The following GCC2 variants were observed in gnomAD, a reference collection of about 807,000 sequenced individuals.
GCC2 encodes GRIP and coiled-coil domain containing 2, also known as GRIP and coiled-coil domain-containing protein 2.
A neutral mutation model predicts 210.6 loss-of-function variants in GCC2; 120 were observed. That is an observed-to-expected ratio of 0.57 (90% CI 0.49 to 0.66). The LOEUF is 0.66. Ranked by LOEUF, GCC2 falls within the 30% of genes least tolerant of loss-of-function variation. GCC2 has a pLI of 0.00. For synonymous variants in GCC2, 703 were observed against 652.7 expected, an observed-to-expected ratio of 1.08 and a Z score of -1.17; for missense variants, 1,868 against 1,871.9, an observed-to-expected ratio of 1.00 and a Z score of 0.04.
intron 4 of GCC2, among the ~76,000 whole-genome samples, chr2:108,464,133 G>T (rs1364318873): frequency 1.3e-5 from 2 of 152,172 alleles, no homozygotes; most frequent in African/African-American, 4.8e-5. Flanking sequence ...AGAATGTTCA[G>T]GTGGAGACAG....
Position 108,476,054 on chromosome 2 carries a change from C to CCTTTTTTTTTT in GCC2, c.3060+204_3060+205insCTTTTTTTTTT, listed in dbSNP as rs1558744710. ...TGGTTAAGCTTTAAATAGTGGCTTG[C>CCTTTTTTTTTT]TTTTTTTTTTTTTTTTTTTTTTTTT... On this transcript the variant is annotated intron_variant, in intron 9 of 22. Coordinates refer to ENST00000309863, the MANE Select transcript of GCC2 (RefSeq NM_181453.4). Among the ~76,000 whole-genome samples the CCTTTTTTTTTT allele has an allele frequency of 5.2e-5, 5 of 96,328 alleles. 1 individual carries two copies. The highest frequency in any genetic ancestry group is 6.4e-5 in the Non-Finnish European group (3 of 46,868). 63.2% of individuals were successfully genotyped at this position (96,328 alleles called of 152,430 possible).
chr2:108,484,224 T>C lies in GCC2; in HGVS notation c.3526T>C (p.Leu1176=), dbSNP rs1439441831. The part of the protein sequence containing the change: ...ERLMKELNQK[L]TNKNNKIEDL... The stretch of plus-strand genomic sequence containing the variant: ...TTTGATGAAAGAACTAAATCAAAAG[T>C]TAACTAATAAAAACAACAAGATAGA... Residue 1176 remains leucine, a synonymous_variant, in exon 13 of 23, where the codon TTA becomes CTA. Transcript: ENST00000309863. 4 of 1,583,814 alleles carry C rather than the reference T, an allele frequency of 2.5e-6. No individual in the cohort carries two copies. The highest frequency in any genetic ancestry group is 3.4e-6 in the Non-Finnish European group (4 of 1,163,854).
At chr2:108,463,986 T>TAGTC (rs1210949437) in intron 4 of GCC2, among the ~76,000 whole-genome samples, 1 of 152,030 alleles carries the variant, frequency 6.6e-6, no homozygotes, top group Non-Finnish European at 1.5e-5. Context: ...GGACAATACC[T>TAGTC]AGTCCCCTGG....
Position 108,471,283 on chromosome 2 carries a change from C to G in GCC2, c.1954C>G (p.Leu652Val), listed in dbSNP as rs773116841. 1 of 1,610,950 alleles carries G rather than the reference C, an allele frequency of 6.2e-7. No homozygotes were observed. Among genetic ancestry groups the G allele is most frequent in the Non-Finnish European group, 8.5e-7 (1 of 1,178,306 alleles). The change falls in exon 6 of 23, where the codon CTA (leucine) becomes GTA (valine). Residue 652 changes from leucine (L) to valine (V), a missense_variant. Leu to Val is a conservative substitution (Grantham distance 32). Transcript: ENST00000309863. ...AAAGGTAAATGAATTAACAGGAGGA[C>G]TAGAGGAGACTTTAAAAGAAAAGGA... ...EQKVNELTGGLEETLKEKDQN... is the reference protein window; with the variant it reads ...EQKVNELTGGVEETLKEKDQN...
intron 21 of GCC2, among the ~76,000 whole-genome samples, chr2:108,498,539 GTCT>G (rs754082774): frequency 5.7e-4 from 87 of 152,156 alleles, no homozygotes; most frequent in Admixed American, 1.1e-3. Context: ...TGATTTCTTA[GTCT>G]TCTTTATTGT....
chr2:108,470,718 G>T lies in GCC2; in HGVS notation c.1389G>T (p.Lys463Asn). 4 of 1,612,620 alleles carry T rather than the reference G, an allele frequency of 2.5e-6. No individual in the cohort carries two copies. The highest frequency in any genetic ancestry group is 3.4e-6 in the Non-Finnish European group (4 of 1,179,430). ...LTLMFEIQGL[K>N]EQCENLQQEK... is the part of the protein sequence containing the mutation. Reference sequence around the variant, plus strand: ...TAATGTTTGAAATACAGGGTCTTAAGGAACAGTGTGAAAACCTACAGCAAG... The same window carrying T: ...TAATGTTTGAAATACAGGGTCTTAATGAACAGTGTGAAAACCTACAGCAAG... The change falls in exon 6 of 23, where the codon AAG becomes AAT. Residue 463 changes from lysine (K) to asparagine (N), a missense_variant. By Grantham distance (94) the Lys-to-Asn change is moderately conservative. Coordinates refer to ENST00000309863, the MANE Select transcript of GCC2 (RefSeq NM_181453.4).
At position 108,469,726 on chromosome 2, in the gene GCC2, A is replaced by C; in HGVS notation, c.397A>C (p.Asn133His). Residue 133 changes from asparagine to histidine, a missense_variant, in exon 6 of 23, where the codon AAT becomes CAT. This residue lies in a region of GCC2 where 1,847 missense variants were observed against 1,765.2 expected (regional missense o/e 1.05). Coordinates refer to ENST00000309863, the MANE Select transcript of GCC2 (RefSeq NM_181453.4). Reference sequence around the variant, plus strand: ...TATAAACTATGTGAAAGAAATTGAAAATTTGAAAAATGAGTTGATGGCAGT... The same window carrying C: ...TATAAACTATGTGAAAGAAATTGAACATTTGAAAAATGAGTTGATGGCAGT... ...SHINYVKEIE[N>H]LKNELMAVRS... The C allele has an allele frequency of 1.9e-6, 3 of 1,612,994 alleles. No individual in the cohort carries two copies. The highest frequency in any genetic ancestry group is 2.5e-6 in the Non-Finnish European group (3 of 1,179,270).
At chr2:108,463,418 T>C (rs1365864483) in intron 4 of GCC2, among the ~76,000 whole-genome samples, 1 of 152,200 alleles carries the variant, frequency 6.6e-6, no homozygotes, top group South Asian at 2.1e-4. Context: ...GTGGCTTTGA[T>C]TCTAGGTGGG....
chr2:108,507,700 C>A lies in GCC2; in HGVS notation c.*70C>A. 2 of 1,089,270 alleles carry A rather than the reference C, an allele frequency of 1.8e-6. No homozygotes were observed. The highest frequency in any genetic ancestry group is 2.4e-5 in the East Asian group (1 of 41,570). 67.5% of individuals were successfully genotyped at this position (1,089,270 alleles called of 1,614,324 possible). On this transcript the variant is annotated 3_prime_UTR_variant, in exon 23 of 23. Coordinates refer to ENST00000309863, the MANE Select transcript of GCC2 (RefSeq NM_181453.4). ...CAAAAATGGTTCACGTATATTACCACAATTCTTTTGTCAAAAAGTGTGTAT... is the reference window on the plus strand; with the variant it reads ...CAAAAATGGTTCACGTATATTACCAAAATTCTTTTGTCAAAAAGTGTGTAT...
At chr2:108,455,066 T>C (rs1164208950) in intron 4 of GCC2, among the ~76,000 whole-genome samples, 1 of 152,150 alleles carries the variant, frequency 6.6e-6, no homozygotes. Flanking sequence ...AATAAGAACA[T>C]TTAAATATCT....
chr2:108,479,152 G>A (rs1681704754), intron 9 of GCC2, among the ~76,000 whole-genome samples: 1 of 151,810 alleles, frequency 6.6e-6, no homozygotes, highest in African/African-American at 2.4e-5. Context: ...GACAGAGCGA[G>A]ACAACGTCTC....
At chr2:108,459,588 G>C (rs1388186436) in intron 4 of GCC2, among the ~76,000 whole-genome samples, 1 of 151,722 alleles carries the variant, frequency 6.6e-6, no homozygotes, top group East Asian at 1.9e-4. Context: ...GGGTGAGTTT[G>C]CCCAGTACGA....
At position 108,504,185 on chromosome 2, in the gene GCC2, G is replaced by A. The variant is rs1683071787; in HGVS notation, c.4985-3375G>A. The stretch of plus-strand genomic sequence containing the variant: ...TTAGAATATGTTGCATCTAGTAAGG[G>A]TAAGCAATTATTTCTTGAAACTCTA... On this transcript the variant is annotated intron_variant, in intron 22 of 22. Coordinates refer to ENST00000309863, the MANE Select transcript of GCC2 (RefSeq NM_181453.4). Among the ~76,000 whole-genome samples the A allele has an allele frequency of 2.0e-5, 3 of 151,988 alleles. No individual in the cohort carries two copies. In the South Asian group the frequency reaches 6.2e-4, roughly 32 times the overall value.
chr2:108,475,682 A>T (rs1293092309), intron 8 of GCC2, 47 bp downstream of exon 8: 1 of 1,468,094 alleles, frequency 6.8e-7, no homozygotes, highest in Non-Finnish European at 9.3e-7. Context: ...CACATTTTTA[A>T]AAATCAAGAG....
Position 108,449,653 on chromosome 2 carries a change from G to A in GCC2, c.27G>A (p.Val9=), listed in dbSNP as rs1186408181. The change falls in exon 2 of 23, where the codon GTG becomes GTA. Residue 9 remains valine (V), a synonymous_variant. Transcript: ENST00000309863. ...TGCAGGATCTTGTTCAAGATGGGGT[G>A]GCTTCACCAGCTACCCCTGGGACCG... MEDLVQDG[V]ASPATPGTGK... is the part of the protein sequence containing the mutation. 6.8e-6 allele frequency: 11 copies of A among 1,613,806 alleles called. No individual in the cohort carries two copies. Among genetic ancestry groups the A allele is most frequent in the Non-Finnish European group, 9.3e-6 (11 of 1,179,728 alleles).
At chr2:108,457,849 TA>T (rs2104416256) in intron 4 of GCC2, among the ~76,000 whole-genome samples, 1 of 152,350 alleles carries the variant, frequency 6.6e-6, no homozygotes, top group East Asian at 1.9e-4. Flanking sequence ...AATTTTTTGA[TA>T]GTCTTTTGTC....
chr2:108,474,437 C>T (rs552331928), intron 7 of GCC2, among the ~76,000 whole-genome samples: 89 of 152,292 alleles, frequency 5.8e-4, no homozygotes, highest in African/African-American at 2.1e-3. Context: ...GACCTGACCA[C>T]TGCGTTAAGC....
chr2:108,467,626 C>A (rs113035334), intron 4 of GCC2, among the ~76,000 whole-genome samples: 1 of 152,046 alleles, frequency 6.6e-6, no homozygotes, highest in Non-Finnish European at 1.5e-5. Context: ...CTTTATTTTA[C>A]AGGCTAGGGT....
At chr2:108,450,852 G>A (rs1315967977) in intron 2 of GCC2, among the ~76,000 whole-genome samples, 176 bp from the exon 3 acceptor site, 1 of 152,144 alleles carries the variant, frequency 6.6e-6, no homozygotes, top group Non-Finnish European at 1.5e-5. Flanking sequence ...CATGCACTCC[G>A]GCCTGGGCAA....
Sources: gnomAD v4.1 joint callset for allele counts (sites outside exome capture counted in the v4.1 genomes callset) on GRCh38, gnomAD v4.1.1 for gene constraint, gnomAD v4.1.1 regional missense constraint, MANE v1.5 for transcripts, NCBI Gene and HGNC (gene_info 2026-07-23, HGNC 2026-07-21) for gene names.